ANO3: variants seen among roughly 807,000 people sequenced by gnomAD.
ANO3 encodes anoctamin-3.
In ANO3, 99 loss-of-function variants were observed where a neutral mutation model predicts 144.8. The ratio of observed to expected loss-of-function variants is 0.68; its 90% confidence interval spans 0.58 to 0.81. The LOEUF is 0.81. Among genes scored for constraint, ANO3 ranks in the 30% least tolerant of loss-of-function variants. The probability of loss-of-function intolerance (pLI) is 0.00; values close to 1 mark genes in which losing one functional copy is unlikely to be tolerated. For missense variants in ANO3, 905 were observed against 1,202.2 expected (o/e 0.75, Z 3.66); for synonymous variants, 414 against 392.6 (o/e 1.05, Z -0.64).
chr11:26,340,119 G>A (rs1386444358), intron 1 of ANO3, among the ~76,000 whole-genome samples: 2 of 152,108 alleles, frequency 1.3e-5, no homozygotes, highest in Non-Finnish European at 2.9e-5. Context: ...TCTTATCATC[G>A]TACTCTTAGA....
chr11:26,626,622 A>T (rs1440298579), intron 18 of ANO3, among the ~76,000 whole-genome samples: 1 of 152,146 alleles, frequency 6.6e-6, no homozygotes, highest in Admixed American at 6.5e-5. Context: ...GTTCTTACTG[A>T]GGGGAAATCC....
chr11:26,480,546 G>T (rs1565050766), intron 4 of ANO3, among the ~76,000 whole-genome samples: 1 of 152,162 alleles, frequency 6.6e-6, no homozygotes, highest in Non-Finnish European at 1.5e-5. Flanking sequence ...GGGCACTCAT[G>T]CCTGTAATCC....
chr11:26,368,026 C>G (rs574960692), intron 1 of ANO3, among the ~76,000 whole-genome samples: 1 of 152,308 alleles, frequency 6.6e-6, no homozygotes, highest in South Asian at 2.1e-4. Context: ...GATTACAATT[C>G]AACATGAGAT....
chr11:26,563,891 C>T (rs12271124), intron 14 of ANO3, among the ~76,000 whole-genome samples: 67,383 of 151,556 alleles, frequency 0.44, 16,500 homozygotes, highest in Non-Finnish European at 0.52. Flanking sequence ...TCTTTTCACT[C>T]GGTATCTTAT....
At chr11:26,647,885 A>G in intron 24 of ANO3, 29 bp downstream of exon 24, 2 of 1,589,572 alleles carry the variant, frequency 1.3e-6, no homozygotes, top group Non-Finnish European at 1.7e-6. Flanking sequence ...CATTTTCCTG[A>G]TATGTTTTAC....
chr11:26,461,632 C>A (rs1244438510), intron 3 of ANO3, among the ~76,000 whole-genome samples: 1 of 151,924 alleles, frequency 6.6e-6, no homozygotes, highest in Non-Finnish European at 1.5e-5. Context: ...GTTTAATAAA[C>A]AAAAGTTGAA....
intron 4 of ANO3, among the ~76,000 whole-genome samples, chr11:26,494,411 C>A (rs1033706762): frequency 6.6e-6 from 1 of 152,006 alleles, no homozygotes; most frequent in Non-Finnish European, 1.5e-5. Context: ...ATATTATTAT[C>A]TTTTTGTAAA....
chr11:26,525,282 G>A (rs916501244), intron 6 of ANO3, among the ~76,000 whole-genome samples: 2 of 151,940 alleles, frequency 1.3e-5, no homozygotes, highest in African/African-American at 4.8e-5. Context: ...AATGGAAGGA[G>A]GGATGGATGG....
At chr11:26,527,804 C>A (rs1448842039) in intron 7 of ANO3, among the ~76,000 whole-genome samples, 1 of 152,106 alleles carries the variant, frequency 6.6e-6, no homozygotes, top group Non-Finnish European at 1.5e-5. Context: ...AATTATTAAA[C>A]CATCTTAAAA....
At chr11:26,321,755 T>C (rs1425165664) in intron 1 of ANO3, among the ~76,000 whole-genome samples, 2 of 152,020 alleles carry the variant, frequency 1.3e-5, no homozygotes, top group African/African-American at 4.8e-5. Flanking sequence ...CCTTCAATTA[T>C]ATTTTATTAG....
intron 1 of ANO3, among the ~76,000 whole-genome samples, chr11:26,342,801 C>T (rs781048087): frequency 6.6e-6 from 1 of 152,074 alleles, no homozygotes; most frequent in Non-Finnish European, 1.5e-5. Context: ...TTGGTTTCAC[C>T]ATTTCACACT....
intron 1 of ANO3, among the ~76,000 whole-genome samples, chr11:26,213,791 C>T (rs1851982151): frequency 6.6e-6 from 1 of 151,640 alleles, no homozygotes; most frequent in Non-Finnish European, 1.5e-5. Context: ...AAGTTTTTGA[C>T]TTTTCAAGAA....
intron 1 of ANO3, among the ~76,000 whole-genome samples, chr11:26,363,433 T>C (rs1342492223): frequency 6.6e-6 from 1 of 150,526 alleles, no homozygotes; most frequent in Non-Finnish European, 1.5e-5. Context: ...CCTCTCTCCT[T>C]GACGTGCAGA....
At chr11:26,459,200 A>G (rs962701403) in intron 3 of ANO3, among the ~76,000 whole-genome samples, 2 of 152,126 alleles carry the variant, frequency 1.3e-5, no homozygotes, top group Admixed American at 1.3e-4. Flanking sequence ...AAGGAGCTAG[A>G]TGATGCATAT....
chr11:26,396,231 A>G (rs1284316323), intron 1 of ANO3, among the ~76,000 whole-genome samples: 2 of 152,328 alleles, frequency 1.3e-5, no homozygotes, highest in Middle Eastern at 3.4e-3. Flanking sequence ...AATCAAAACC[A>G]CAATGAAATA....
At chr11:26,583,513 G>C (rs142329911) in intron 14 of ANO3, among the ~76,000 whole-genome samples, 1 of 152,044 alleles carries the variant, frequency 6.6e-6, no homozygotes, top group Non-Finnish European at 1.5e-5. Flanking sequence ...AAAATCTGCC[G>C]CTGCACACAT....
chr11:26,319,966 T>C (rs1854720329), intron 1 of ANO3, among the ~76,000 whole-genome samples: 1 of 152,110 alleles, frequency 6.6e-6, no homozygotes, highest in South Asian at 2.1e-4. Flanking sequence ...TGTGAGACAA[T>C]GAGAATCCAA....
chr11:26,228,147 G>T (rs563434541), intron 1 of ANO3, among the ~76,000 whole-genome samples: 2 of 152,266 alleles, frequency 1.3e-5, no homozygotes, highest in South Asian at 2.1e-4. Context: ...TAGCCGAAAG[G>T]GTATGATTAT....
intron 17 of ANO3, among the ~76,000 whole-genome samples, chr11:26,615,458 G>A (rs543313597): frequency 4.1e-5 from 6 of 148,138 alleles, no homozygotes; most frequent in East Asian, 2.0e-4. Flanking sequence ...ACAAAAACAC[G>A]GGACTTTGGA....
Sources: gnomAD v4.1 joint callset for allele counts (sites outside exome capture counted in the v4.1 genomes callset) on GRCh38, gnomAD v4.1.1 for gene constraint, MANE v1.5 for transcripts, NCBI Gene and HGNC (gene_info 2026-07-23, HGNC 2026-07-21) for gene names.